Variants in MACF1 observed in about 807,000 individuals in gnomAD.
The protein encoded by MACF1 is microtubule actin crosslinking factor 1.
A neutral mutation model predicts 854.8 loss-of-function variants in MACF1; 193 were observed. The ratio of observed to expected loss-of-function variants is 0.23; its 90% CI spans 0.20 to 0.25. The LOEUF is 0.25. Among genes scored for constraint, MACF1 ranks in the 10% least tolerant of loss-of-function variants. MACF1 has a pLI of 1.00. For missense variants in MACF1, 7,722 were observed against 8,929.1 expected (o/e 0.86, Z 5.45); for synonymous variants, 3,185 against 3,226.7 (o/e 0.99, Z 0.44).
intron 53 of MACF1, 90 bp from the exon 54 acceptor site, chr1:39,379,113 T>A (rs1375703020): frequency 7.7e-7 from 1 of 1,303,616 alleles, no homozygotes; most frequent in Non-Finnish European, 1.1e-6. Flanking sequence ...CTAGAAGGAG[T>A]AAGAGAGATG....
chr1:39,183,526 A>T (rs16825921), intron 2 of MACF1, among the ~76,000 whole-genome samples: 24,317 of 152,152 alleles, frequency 0.16, 2,419 homozygotes, highest in Middle Eastern at 0.22. Flanking sequence ...TGTTGCCCCA[A>T]ATCTTCAAGG....
At chr1:39,419,813 G>A (rs1046032590) in intron 58 of MACF1, among the ~76,000 whole-genome samples, 3 of 150,288 alleles carry the variant, frequency 2.0e-5, no homozygotes, top group Admixed American at 6.6e-5. Flanking sequence ...GTGTGTGTGT[G>A]TGTGTGTGTG....
intron 47 of MACF1, among the ~76,000 whole-genome samples, chr1:39,360,195 G>A (rs910736093): frequency 2.7e-5 from 4 of 150,758 alleles, no homozygotes; most frequent in African/African-American, 4.9e-5. Flanking sequence ...TAATGCATAT[G>A]TTAAATAGCT....
rs754271091 is a variant in MACF1 at position 39,460,626 on chromosome 1, G to T, written c.21361-6G>T. On this transcript the variant is annotated splice_polypyrimidine_tract_variant and splice_region_variant and intron_variant, in intron 91 of 100. Coordinates refer to ENST00000564288, the MANE Select transcript of MACF1 (RefSeq NM_001394062.1). This position sits in a 1 kb window ranked among gnomAD's most constrained non-coding sequence, Gnocchi z 4.1. ...AATCTTATTGACACTTCTGATTTCT[G>T]TGTAGTTGAAAGAATTTGCCAACTT... 2.5e-6 allele frequency: 4 copies of T among 1,613,980 alleles called. No individual in the cohort carries two copies. Among genetic ancestry groups the T allele is most frequent in the Non-Finnish European group, 3.4e-6 (4 of 1,179,856 alleles).
chr1:39,372,850 C>T (rs1649363775), intron 52 of MACF1: 1 of 350,220 alleles, frequency 2.9e-6, no homozygotes, highest in Non-Finnish European at 5.2e-6. Context: ...ATCAAATGAA[C>T]ACTGAATAAT....
In MACF1 at chr1:39,333,282, A is replaced by T; in HGVS notation, c.6694A>T (p.Lys2232Ter). 1 of 1,614,144 alleles carries T rather than the reference A, an allele frequency of 6.2e-7. No homozygotes were observed. Among genetic ancestry groups the T allele is most frequent in the Non-Finnish European group, 8.5e-7 (1 of 1,180,040 alleles). The change falls in exon 37 of 101, where the codon AAA (lysine) becomes TAA (stop). Residue 2232 changes from lysine (K) to a stop codon, truncating the protein, a stop_gained. Transcript: ENST00000564288. LOFTEE classifies it high-confidence loss of function. ...TCTGGACAAAAAGGAAATGTTAAAG[A>T]AAACATTTCTGGCTAAGGATGACCA... Reference protein sequence around the residue: ...HPLDKKEMLKKTFLAKDDHKE... With the variant: ...HPLDKKEMLK
chr1:39,410,869 G>A (rs1221039240), intron 58 of MACF1: 1 of 1,614,038 alleles, frequency 6.2e-7, no homozygotes. Flanking sequence ...CAAATCCATA[G>A]GTATTCCAGA....
Position 39,349,558 on chromosome 1 carries a change from G to A in MACF1, c.10896G>A (p.Leu3632=), listed in dbSNP as rs1372811692. The A allele has an allele frequency of 2.5e-6, 4 of 1,614,096 alleles. No individual in the cohort carries two copies. The highest frequency in any genetic ancestry group is 1.3e-5 in the African/African-American group (1 of 74,946). ...GGGTAGGACAGGCAGAAAGAGCACT[G>A]GCAGGCCACCAAGGCAGAACCACCC... ...CSWVGQAERA[L]AGHQGRTTQQ... The change falls in exon 42 of 101, where the codon CTG becomes CTA. Residue 3632 remains leucine, a synonymous_variant. Coordinates refer to ENST00000564288, the MANE Select transcript of MACF1 (RefSeq NM_001394062.1).
Position 39,335,768 on chromosome 1 carries a change from T to G in MACF1, c.9180T>G (p.Ala3060=). 6.2e-7 allele frequency: 1 copy of G among 1,614,204 alleles called. No individual in the cohort carries two copies. Among genetic ancestry groups the G allele is most frequent in the Admixed American group, 1.7e-5 (1 of 60,026 alleles). ...PQGISVKHLD[A]LTLFSSKQAN... The stretch of plus-strand genomic sequence containing the variant: ...GAATTTCTGTAAAACATTTAGATGC[T>G]TTAACACTCTTCAGCTCTAAACAGG... Residue 3060 remains alanine, a synonymous_variant, in exon 37 of 101, where the codon GCT becomes GCG. Transcript: ENST00000564288.
intron 93 of MACF1, among the ~76,000 whole-genome samples, chr1:39,462,457 CA>C (rs1364272619): frequency 6.6e-6 from 1 of 151,922 alleles, no homozygotes; most frequent in Non-Finnish European, 1.5e-5. Context: ...GTAGCTCTAG[CA>C]CTTTGGGAGG....
At chr1:39,136,101 C>G (rs1643160442) in intron 2 of MACF1, among the ~76,000 whole-genome samples, 1 of 152,196 alleles carries the variant, frequency 6.6e-6, no homozygotes, top group South Asian at 2.1e-4. Flanking sequence ...ACACTTGACA[C>G]AGTAAGGGAG....
chr1:39,232,839 T>C (rs1294668180), intron 2 of MACF1, among the ~76,000 whole-genome samples: 3 of 150,190 alleles, frequency 2.0e-5, no homozygotes, highest in South Asian at 2.1e-4. Context: ...CTGGAGTACA[T>C]TGGGAAGATC....
intron 58 of MACF1, among the ~76,000 whole-genome samples, chr1:39,404,602 A>G (rs1314945332): frequency 6.6e-6 from 1 of 152,158 alleles, no homozygotes; most frequent in African/African-American, 2.4e-5. Context: ...CGATTTTCTC[A>G]GCTCAACCTC....
In MACF1 at chr1:39,439,302, ATTC is replaced by A. The variant is rs1366939183; in HGVS notation, c.18254_18256del (p.Phe6085del). 1 of 1,613,126 alleles carries A rather than the reference ATTC, an allele frequency of 6.2e-7. No individual in the cohort carries two copies. The highest frequency in any genetic ancestry group is 8.5e-7 in the Non-Finnish European group (1 of 1,179,254). ...TCCAGGATAAATTGGATCAAATGGT[ATTC>A]TTCTGGGAGGACATCAAAGCTCGGG... On this transcript the variant is annotated inframe_deletion, in exon 72 of 101. Coordinates refer to ENST00000564288, the MANE Select transcript of MACF1 (RefSeq NM_001394062.1).
chr1:39,301,392 C>G (rs1246676055), intron 22 of MACF1, among the ~76,000 whole-genome samples: 9 of 151,726 alleles, frequency 5.9e-5, no homozygotes, highest in African/African-American at 1.7e-4. Flanking sequence ...TCCCAAAGTG[C>G]TGGGATTACA....
chr1:39,272,410 A>G (rs1293484379), intron 6 of MACF1, among the ~76,000 whole-genome samples: 2 of 152,234 alleles, frequency 1.3e-5, no homozygotes, highest in Non-Finnish European at 2.9e-5. Context: ...CTAAAGTGGG[A>G]AAGCTGGGAG....
chr1:39,331,186 T>G lies in MACF1; in HGVS notation c.4615-17T>G, dbSNP rs773380073. The G allele has an allele frequency of 9.3e-6, 11 of 1,176,824 alleles. No homozygotes were observed. In the East Asian group the frequency reaches 3.8e-4, roughly 41 times the overall value. 72.9% of individuals were successfully genotyped at this position (1,176,824 alleles called of 1,614,324 possible). On this transcript the variant is annotated splice_polypyrimidine_tract_variant and intron_variant, in intron 36 of 100. Coordinates refer to ENST00000564288, the MANE Select transcript of MACF1 (RefSeq NM_001394062.1). ...CTTCTCTTTTCCTTTTTTTTTTTTT[T>G]TTTTTTTTTTTTTTAGGAATGCAGA...
chr1:39,233,314 G>A (rs1334597046), intron 2 of MACF1, among the ~76,000 whole-genome samples: 1 of 152,216 alleles, frequency 6.6e-6, no homozygotes, highest in African/African-American at 2.4e-5. Flanking sequence ...GATTATAGGC[G>A]TGAGCCACTG....
At chr1:39,266,743 C>T (rs1645237917) in intron 6 of MACF1, among the ~76,000 whole-genome samples, 1 of 151,756 alleles carries the variant, frequency 6.6e-6, no homozygotes, top group Admixed American at 6.6e-5. Flanking sequence ...TAAATAACTG[C>T]AATAGGAAAG....
Sources: allele counts gnomAD v4.1 joint callset (sites outside exome capture counted in the v4.1 genomes callset), GRCh38; gene constraint gnomAD v4.1.1; non-coding constraint Gnocchi (gnomAD v3.1); transcripts MANE v1.5; gene names NCBI Gene and HGNC (gene_info 2026-07-23, HGNC 2026-07-21).